Variants in PTPRR observed in about 807,000 individuals in gnomAD.
The protein encoded by PTPRR is protein tyrosine phosphatase receptor type R, also known as receptor-type tyrosine-protein phosphatase R.
A neutral mutation model predicts 77.2 loss-of-function variants in PTPRR; 38 were observed. The observed-to-expected ratio is 0.49, with a 90% CI of 0.38 to 0.65. PTPRR has a LOEUF of 0.65. Among genes scored for constraint, PTPRR ranks in the 30% least tolerant of loss-of-function variants. The pLI, the probability that PTPRR is intolerant of heterozygous loss-of-function variation, is 0.00. For missense variants in PTPRR, 744 were observed against 799.2 expected, an observed-to-expected ratio of 0.93 and a Z score of 0.83; for synonymous variants, 299 against 283.1, an observed-to-expected ratio of 1.06 and a Z score of -0.57.
At chr12:70,682,487 A>C (rs905524177) in intron 10 of PTPRR, among the ~76,000 whole-genome samples, 2 of 152,182 alleles carry the variant, frequency 1.3e-5, no homozygotes, top group East Asian at 1.9e-4. Context: ...TTCTGGTTTT[A>C]TGCCTTTTAG....
At chr12:70,766,043 A>C (rs1890813436) in intron 2 of PTPRR, among the ~76,000 whole-genome samples, 1 of 152,188 alleles carries the variant, frequency 6.6e-6, no homozygotes, top group African/African-American at 2.4e-5. Context: ...CCAAAAGTAG[A>C]TAAAACCACA....
chr12:70,886,608 T>C lies in PTPRR; in HGVS notation c.357+6071A>G, dbSNP rs527315264. ...CTATTTTGCATTTGCTATTGAAAGGTTATAGATACAAAACAAGTATATTTT... is the reference window on the plus strand; with the variant it reads ...CTATTTTGCATTTGCTATTGAAAGGCTATAGATACAAAACAAGTATATTTT... On this transcript the variant is annotated intron_variant, in intron 2 of 13. Transcript: ENST00000283228. Among the ~76,000 whole-genome samples, 4 of 152,292 alleles carry C rather than the reference T, an allele frequency of 2.6e-5. No individual in the cohort carries two copies. The South Asian group carries it at 6.2e-4, about 24-fold the overall frequency.
At chr12:70,648,022 T>C (rs1315536851) in intron 13 of PTPRR, among the ~76,000 whole-genome samples, 1 of 152,200 alleles carries the variant, frequency 6.6e-6, no homozygotes, top group African/African-American at 2.4e-5. Context: ...ATCTTGAGTG[T>C]AACCCACTTA....
intron 3 of PTPRR, 50 bp downstream of exon 3, chr12:70,764,615 A>T: frequency 6.8e-7 from 1 of 1,470,794 alleles, no homozygotes; most frequent in Non-Finnish European, 9.5e-7. Context: ...TGATTAAAAA[A>T]ACCACACACA....
intron 2 of PTPRR, among the ~76,000 whole-genome samples, chr12:70,886,192 G>T (rs573103001): frequency 6.6e-6 from 1 of 152,322 alleles, no homozygotes; most frequent in South Asian, 2.1e-4. Flanking sequence ...GATGGTGACA[G>T]TTATGACTGT....
At chr12:70,769,900 G>A (rs548417709) in intron 2 of PTPRR, among the ~76,000 whole-genome samples, 137 of 152,214 alleles carry the variant, frequency 9.0e-4, no homozygotes, top group African/African-American at 3.2e-3. Context: ...ACAAAAACAA[G>A]CAATGGGGAA....
At chr12:70,734,615 A>T (rs1013130800) in intron 6 of PTPRR, among the ~76,000 whole-genome samples, 1 of 152,162 alleles carries the variant, frequency 6.6e-6, no homozygotes, top group Non-Finnish European at 1.5e-5. Context: ...TAGAGGACTC[A>T]GTGGGACTTA....
At position 70,814,719 on chromosome 12, in the gene PTPRR, G is replaced by C. The variant is rs184819317; in HGVS notation, c.358-49941C>G. ...ACAAACTGTAGGCTGAATGTAGGTA[G>C]CTTCTAGGCTGTAGTTTGACAACTC... On this transcript the variant is annotated intron_variant, in intron 2 of 13. Coordinates refer to ENST00000283228, the MANE Select transcript of PTPRR (RefSeq NM_002849.4). Among the ~76,000 whole-genome samples, 293 of 152,300 alleles carry C rather than the reference G, an allele frequency of 1.9e-3. 3 individuals are homozygous for C. The highest frequency in any genetic ancestry group is 6.8e-3 in the African/African-American group (283 of 41,564).
intron 13 of PTPRR, among the ~76,000 whole-genome samples, chr12:70,656,500 G>T (rs112321992): frequency 0.014 from 2,142 of 152,270 alleles, 43 homozygotes; most frequent in African/African-American, 0.048. Flanking sequence ...CTGCACTCCA[G>T]CCTGGATGAC....
chr12:70,706,612 T>C (rs1483895490), intron 6 of PTPRR, among the ~76,000 whole-genome samples: 1 of 152,124 alleles, frequency 6.6e-6, no homozygotes, highest in East Asian at 1.9e-4. Flanking sequence ...ATTGAATCTA[T>C]AAAAGTTTTG....
rs74102013 is a variant in PTPRR at position 70,817,811 on chromosome 12, T to A, written c.358-53033A>T. Among the ~76,000 whole-genome samples, 1,177 of 152,296 alleles carry A rather than the reference T, an allele frequency of 7.7e-3. 16 individuals are homozygous for A. Among genetic ancestry groups the A allele is most frequent in the African/African-American group, 0.027 (1,102 of 41,574 alleles). On this transcript the variant is annotated intron_variant, in intron 2 of 13. Coordinates refer to ENST00000283228, the MANE Select transcript of PTPRR (RefSeq NM_002849.4). ...AAGCACATGCACATATAACTTAAGA[T>A]GTCACTCAGTTTATTTGACCTAAAC...
intron 2 of PTPRR, among the ~76,000 whole-genome samples, chr12:70,792,356 T>C (rs1287171044): frequency 6.6e-6 from 1 of 152,310 alleles, no homozygotes; most frequent in Non-Finnish European, 1.5e-5. Context: ...AATTAGGCCT[T>C]CTTACCCCAT....
At chr12:70,889,762 T>C (rs1207892463) in intron 2 of PTPRR, among the ~76,000 whole-genome samples, 2 of 151,834 alleles carry the variant, frequency 1.3e-5, no homozygotes, top group African/African-American at 4.8e-5. Flanking sequence ...CCTTGCCTCC[T>C]TTCCTTCTCC....
chr12:70,733,811 C>T (rs1376053522), intron 6 of PTPRR, among the ~76,000 whole-genome samples: 1 of 152,140 alleles, frequency 6.6e-6, no homozygotes, highest in African/African-American at 2.4e-5. Context: ...TAATTGTGTT[C>T]AAGTCGCCTG....
intron 2 of PTPRR, among the ~76,000 whole-genome samples, chr12:70,863,144 C>T (rs1010257077): frequency 2.6e-5 from 4 of 152,130 alleles, no homozygotes; most frequent in Non-Finnish European, 4.4e-5. Flanking sequence ...ATCTAACTAG[C>T]ATTGATCAAA....
chr12:70,891,397 G>A (rs1005190490), intron 2 of PTPRR, among the ~76,000 whole-genome samples: 15 of 152,080 alleles, frequency 9.9e-5, no homozygotes, highest in Middle Eastern at 3.2e-3. Flanking sequence ...TCCAGATACA[G>A]AGACATCATT....
chr12:70,719,751 C>T (rs1264695709), intron 6 of PTPRR, among the ~76,000 whole-genome samples: 1 of 152,174 alleles, frequency 6.6e-6, no homozygotes, highest in Non-Finnish European at 1.5e-5. Flanking sequence ...AGTGACTGCG[C>T]GTCTTCTCTG....
intron 2 of PTPRR, among the ~76,000 whole-genome samples, chr12:70,852,440 G>A (rs1419231794): frequency 1.3e-5 from 2 of 152,176 alleles, no homozygotes; most frequent in Admixed American, 1.3e-4. Context: ...CCTAGTTTCT[G>A]CAGTGGTAGC....
At chr12:70,893,499 C>T (rs1333697762) in intron 1 of PTPRR, among the ~76,000 whole-genome samples, 1 of 151,896 alleles carries the variant, frequency 6.6e-6, no homozygotes, top group East Asian at 1.9e-4. Context: ...TAGCAACTTT[C>T]AGTAGTCCAA....
Sources: allele counts gnomAD v4.1 joint callset (sites outside exome capture counted in the v4.1 genomes callset), GRCh38; gene constraint gnomAD v4.1.1; transcripts MANE v1.5; gene names NCBI Gene and HGNC (gene_info 2026-07-23, HGNC 2026-07-21).